Variants in SLC25A21 observed in about 807,000 individuals in gnomAD.
The protein encoded by SLC25A21 is solute carrier family 25 member 21, also known as mitochondrial 2-oxodicarboxylate carrier.
In SLC25A21, 47 loss-of-function variants were observed where a neutral mutation model predicts 43.8. The observed-to-expected ratio is 1.07, with a 90% CI of 0.85 to 1.37. The LOEUF (loss-of-function observed/expected upper bound fraction) is 1.37. Among genes scored for constraint, SLC25A21 ranks in the 40% most tolerant of loss-of-function variants. The pLI, the probability that SLC25A21 is intolerant of heterozygous loss-of-function variation, is 0.00. For missense variants in SLC25A21, 352 were observed against 350.2 expected, an observed-to-expected ratio of 1.00 and a Z score of -0.04; for synonymous variants, 131 against 121.3, an observed-to-expected ratio of 1.08 and a Z score of -0.52.
At chr14:36,794,766 T>TA (rs1566620726) in intron 3 of SLC25A21, among the ~76,000 whole-genome samples, 1 of 138,928 alleles carries the variant, frequency 7.2e-6, no homozygotes, top group Non-Finnish European at 1.6e-5. Context: ...AAGACTCCAT[T>TA]TAAAAAAAAA....
intron 3 of SLC25A21, among the ~76,000 whole-genome samples, chr14:36,735,529 AC>A (rs1029145994): frequency 4.0e-5 from 6 of 151,866 alleles, no homozygotes; most frequent in Non-Finnish European, 8.8e-5. Flanking sequence ...TCTCTGATTC[AC>A]CCCCCAAGCT....
chr14:37,168,186 C>T (rs578144349), intron 1 of SLC25A21, among the ~76,000 whole-genome samples: 33 of 152,150 alleles, frequency 2.2e-4, no homozygotes, highest in African/African-American at 7.7e-4. Context: ...AACCTCTTCT[C>T]ATTCTCATCT....
At chr14:36,922,419 C>T (rs570690604) in intron 1 of SLC25A21, among the ~76,000 whole-genome samples, 1 of 152,158 alleles carries the variant, frequency 6.6e-6, no homozygotes, top group Admixed American at 6.5e-5. Flanking sequence ...TGTGGTCTCA[C>T]TGAATTGAGA....
intron 1 of SLC25A21, among the ~76,000 whole-genome samples, chr14:37,032,822 A>C (rs544629643): frequency 6.6e-6 from 1 of 152,296 alleles, no homozygotes; most frequent in East Asian, 1.9e-4. Flanking sequence ...TTTTCCTAAT[A>C]AAATGTTTAT....
At chr14:36,939,497 T>A (rs1319831239) in intron 1 of SLC25A21, among the ~76,000 whole-genome samples, 1 of 152,048 alleles carries the variant, frequency 6.6e-6, no homozygotes, top group African/African-American at 2.4e-5. Context: ...TTGTTGTCCA[T>A]CTAAATCTTT....
intron 1 of SLC25A21, among the ~76,000 whole-genome samples, chr14:37,043,819 C>T (rs1020923210): frequency 3.3e-5 from 5 of 152,172 alleles, no homozygotes; most frequent in Non-Finnish European, 7.4e-5. Context: ...ACTGCAACAT[C>T]GAATTCCTGG....
intron 3 of SLC25A21, among the ~76,000 whole-genome samples, chr14:36,748,102 AG>A (rs1372842809): frequency 2.0e-5 from 3 of 152,228 alleles, no homozygotes; most frequent in African/African-American, 7.2e-5. Flanking sequence ...TAAGTGATGG[AG>A]TTAGGACAAT....
intron 1 of SLC25A21, among the ~76,000 whole-genome samples, chr14:36,886,788 TA>T (rs1890927081): frequency 6.6e-6 from 1 of 152,212 alleles, no homozygotes; most frequent in Non-Finnish European, 1.5e-5. Flanking sequence ...ATAATGTCTT[TA>T]AAAAATATTG....
chr14:36,789,878 AT>A (rs1258069268), intron 3 of SLC25A21, among the ~76,000 whole-genome samples: 2 of 115,122 alleles, frequency 1.7e-5, no homozygotes, highest in African/African-American at 3.4e-5. Context: ...TATATTATAT[AT>A]TTATATAAAA....
At chr14:36,897,900 G>C (rs147589188) in intron 1 of SLC25A21, among the ~76,000 whole-genome samples, 3 of 152,142 alleles carry the variant, frequency 2.0e-5, no homozygotes, top group Non-Finnish European at 4.4e-5. Context: ...TGGAAGTTTT[G>C]TCTCAGAGGA....
intron 1 of SLC25A21, among the ~76,000 whole-genome samples, chr14:37,041,445 A>G (rs2138784376): frequency 6.6e-6 from 1 of 152,268 alleles, no homozygotes; most frequent in African/African-American, 2.4e-5. Flanking sequence ...CTTTGAACCC[A>G]AGAGTTCAAA....
chr14:36,818,799 A>C (rs1888536796), intron 2 of SLC25A21, among the ~76,000 whole-genome samples: 3 of 152,212 alleles, frequency 2.0e-5, no homozygotes, highest in Non-Finnish European at 4.4e-5. Flanking sequence ...TCAGCAACTT[A>C]AAAGGTTTCT....
chr14:36,987,225 G>C (rs957262128), intron 1 of SLC25A21, among the ~76,000 whole-genome samples: 1 of 152,096 alleles, frequency 6.6e-6, no homozygotes, highest in African/African-American at 2.4e-5. Flanking sequence ...AGAGAGGAAG[G>C]TTTTCTACCA....
intron 2 of SLC25A21, among the ~76,000 whole-genome samples, chr14:36,815,149 T>C: frequency 6.6e-6 from 1 of 151,954 alleles, no homozygotes; most frequent in Admixed American, 6.6e-5. Flanking sequence ...GAGGAAAACA[T>C]CACACACCAG....
At chr14:36,835,677 C>T (rs1889185555) in intron 2 of SLC25A21, among the ~76,000 whole-genome samples, 1 of 152,214 alleles carries the variant, frequency 6.6e-6, no homozygotes, top group Admixed American at 6.5e-5. Flanking sequence ...AACTTAATGA[C>T]TTAGCATTTG....
At chr14:36,886,548 G>T (rs2682835) in intron 1 of SLC25A21, among the ~76,000 whole-genome samples, 120,995 of 151,754 alleles carry the variant, frequency 0.8, 48,949 homozygotes, top group Non-Finnish European at 0.86. Context: ...ACTCACTGAA[G>T]AATTTAGGGA....
At chr14:37,148,937 C>T (rs539200807) in intron 1 of SLC25A21, among the ~76,000 whole-genome samples, 3 of 152,190 alleles carry the variant, frequency 2.0e-5, no homozygotes, top group South Asian at 2.1e-4. Context: ...TGCTGGATGA[C>T]GGCTATTTAA....
intron 1 of SLC25A21, among the ~76,000 whole-genome samples, chr14:37,061,491 T>C (rs1566851972): frequency 7.0e-6 from 1 of 143,090 alleles, no homozygotes; most frequent in Non-Finnish European, 1.5e-5. Context: ...GGCTCTCTAT[T>C]AGTTAGCCAA....
At chr14:36,925,096 A>G (rs1892094387) in intron 1 of SLC25A21, among the ~76,000 whole-genome samples, 1 of 152,208 alleles carries the variant, frequency 6.6e-6, no homozygotes, top group South Asian at 2.1e-4. Context: ...TAAAGCAAGG[A>G]AATGGGGTAA....
Sources: gnomAD v4.1 joint callset for allele counts (sites outside exome capture counted in the v4.1 genomes callset) on GRCh38, gnomAD v4.1.1 for gene constraint, MANE v1.5 for transcripts, NCBI Gene and HGNC (gene_info 2026-07-23, HGNC 2026-07-21) for gene names.